The following SASH1 variants were observed in gnomAD, a reference collection of about 807,000 sequenced individuals.
The protein encoded by SASH1 is SAM and SH3 domain-containing protein 1.
SASH1 carries 44 observed loss-of-function variants against 125.2 expected under a neutral mutation model. That is an observed-to-expected ratio of 0.35 (90% confidence interval 0.28 to 0.45). The LOEUF (loss-of-function observed/expected upper bound fraction) is 0.45. SASH1 is among the 20% of genes least tolerant of loss of function. The pLI, the probability that SASH1 is intolerant of heterozygous loss-of-function variation, is 1.00. For missense variants in SASH1, 1,426 were observed against 1,614.5 expected (o/e 0.88, Z 2.00); for synonymous variants, 639 against 649.1 (o/e 0.98, Z 0.24).
At chr6:148,387,895 C>T (rs1349498478) in intron 1 of SASH1, among the ~76,000 whole-genome samples, 16 of 140,110 alleles carry the variant, frequency 1.1e-4, no homozygotes, top group Admixed American at 5.4e-4. Flanking sequence ...CCCACTAATG[C>T]GCCCTGCTAA....
intron 2 of SASH1, among the ~76,000 whole-genome samples, chr6:148,395,473 G>A (rs1783911935): frequency 1.3e-5 from 2 of 152,192 alleles, no homozygotes; most frequent in Non-Finnish European, 2.9e-5. Context: ...CTGGAATAAT[G>A]CATTTGATAA....
At chr6:148,502,283 T>C (rs1444170105) in intron 8 of SASH1, among the ~76,000 whole-genome samples, 1 of 152,108 alleles carries the variant, frequency 6.6e-6, no homozygotes, top group Non-Finnish European at 1.5e-5. Flanking sequence ...AGGGCAATGA[T>C]GTCACCAGCT....
chr6:148,391,450 T>TGTATA (rs1379541556), intron 2 of SASH1, among the ~76,000 whole-genome samples: 2 of 148,886 alleles, frequency 1.3e-5, no homozygotes, highest in African/African-American at 4.9e-5. Context: ...AAAAAATCAG[T>TGTATA]GATACAATGC....
At chr6:148,530,162 TTTG>T in intron 12 of SASH1, among the ~76,000 whole-genome samples, 1 of 152,178 alleles carries the variant, frequency 6.6e-6, no homozygotes, top group Non-Finnish European at 1.5e-5. Context: ...GGTAGGGATA[TTTG>T]TTTTCTCCGT....
intron 4 of SASH1, chr6:148,440,761 A>G (rs1257655188): frequency 4.2e-6 from 1 of 238,332 alleles, no homozygotes; most frequent in Admixed American, 5.0e-5. Flanking sequence ...AAGAAGCAAG[A>G]TACAAATATA....
chr6:148,283,241 C>G (rs559667704), intron 1 of SASH1: 2 of 152,434 alleles, frequency 1.3e-5, no homozygotes, highest in East Asian at 3.9e-4. Flanking sequence ...TGCAAGTCAG[C>G]TCCTTCCTCC....
intron 1 of SASH1, among the ~76,000 whole-genome samples, chr6:148,386,383 C>T (rs771721983): frequency 4.6e-5 from 7 of 152,136 alleles, no homozygotes; most frequent in South Asian, 2.1e-4. Flanking sequence ...TCCAAGACGA[C>T]GGTTGGTTGT....
intron 1 of SASH1, among the ~76,000 whole-genome samples, chr6:148,292,265 A>AT (rs921743533): frequency 3.3e-5 from 5 of 151,812 alleles, no homozygotes; most frequent in African/African-American, 1.2e-4. Context: ...TATCCAATTC[A>AT]TTTTTTTTAA....
the SASH1 span, among the ~76,000 whole-genome samples, chr6:148,231,074 C>T: frequency 6.6e-6 from 1 of 152,220 alleles, no homozygotes; most frequent in African/African-American, 2.4e-5. Context: ...TGAAGGTTTA[C>T]TTCTATGTTT....
intron 1 of SASH1, among the ~76,000 whole-genome samples, chr6:148,322,889 C>CTTTCTTTCT (rs879462931): frequency 9.0e-6 from 1 of 111,506 alleles, no homozygotes; most frequent in Non-Finnish European, 1.9e-5. Context: ...CTTTCTTTTT[C>CTTTCTTTCT]TTCTTTCTTT....
chr6:148,220,999 T>G, the SASH1 span, among the ~76,000 whole-genome samples: 1 of 152,156 alleles, frequency 6.6e-6, no homozygotes, highest in Non-Finnish European at 1.5e-5. Context: ...AATCCCTCTT[T>G]TTTCCCTCCA....
intron 4 of SASH1, among the ~76,000 whole-genome samples, chr6:148,446,103 T>TTTTTTTTTTTTTTTTTTC (rs1776763654): frequency 9.7e-5 from 2 of 20,688 alleles, no homozygotes; most frequent in African/African-American, 2.7e-4. Flanking sequence ...TTTTTTTTTT[T>TTTTTTTTTTTTTTTTTTC]TTTTTTTTTT....
intron 10 of SASH1, among the ~76,000 whole-genome samples, chr6:148,523,158 A>G (rs1044275791): frequency 2.0e-4 from 31 of 152,230 alleles, no homozygotes; most frequent in African/African-American, 7.0e-4. Flanking sequence ...TGTATCAGAA[A>G]TAACTTGGGC....
intron 1 of SASH1, among the ~76,000 whole-genome samples, chr6:148,363,702 T>C (rs1583026872): frequency 6.6e-6 from 1 of 152,058 alleles, no homozygotes. Flanking sequence ...GCCCGGCCGA[T>C]TGAGGCTCTT....
At chr6:148,479,352 T>C (rs938182239) in intron 7 of SASH1, 7 of 182,094 alleles carry the variant, frequency 3.8e-5, no homozygotes, top group African/African-American at 1.4e-4. Flanking sequence ...TCCAGCCGAC[T>C]GCACCACTTT....
rs374141600 is a variant in SASH1 at position 148,448,115 on chromosome 6, A to AGAGTGTGTGTGTGTGTGT, written c.386+7709_386+7710insAGTGTGTGTGTGTGTGTG. 9.1e-3 allele frequency among the ~76,000 whole-genome samples: 1,330 copies of AGAGTGTGTGTGTGTGTGT among 146,884 alleles called. 17 individuals carry two copies. Among genetic ancestry groups the AGAGTGTGTGTGTGTGTGT allele is most frequent in the East Asian group, 0.063 (311 of 4,924 alleles). On this transcript the variant is annotated intron_variant, in intron 4 of 19. Transcript: ENST00000367467. ...CTCCTGCTTCTATTGCAGTGGAGAG[A>AGAGTGTGTGTGTGTGTGT]GTGTGTGTGTGTGTGTGTGTGTGTA...
intron 1 of SASH1, among the ~76,000 whole-genome samples, chr6:148,350,192 C>T (rs527823637): frequency 1.3e-5 from 2 of 152,288 alleles, no homozygotes; most frequent in Admixed American, 6.5e-5. Flanking sequence ...CAGCGCCTCA[C>T]ACCTGTAATC....
At chr6:148,526,655 A>G (rs9390579) in intron 11 of SASH1, among the ~76,000 whole-genome samples, 92,122 of 151,962 alleles carry the variant, frequency 0.61, 27,999 homozygotes, top group Non-Finnish European at 0.62. Context: ...AAAAATGCAG[A>G]CTAGAATGAG....
chr6:148,525,291 A>C lies in SASH1; in HGVS notation c.1210A>C (p.Arg404=), dbSNP rs1212099446. 6.2e-7 allele frequency: 1 copy of C among 1,613,904 alleles called. No individual in the cohort carries two copies. ...KKGLGSLSHG[R]TCSFGGFDLT... is the part of the protein sequence containing the mutation. Reference sequence around the variant, plus strand: ...TTCTGCCCTACCCTCTTTTCCACAGAGAACCTGCAGTTTTGGAGGATTTGA... The same window carrying C: ...TTCTGCCCTACCCTCTTTTCCACAGCGAACCTGCAGTTTTGGAGGATTTGA... Residue 404 remains arginine (R), a splice_region_variant and synonymous_variant, in exon 11 of 20, where the codon AGA becomes CGA. Coordinates refer to ENST00000367467, the MANE Select transcript of SASH1 (RefSeq NM_015278.5).
Sources: gnomAD v4.1 joint callset for allele counts (sites outside exome capture counted in the v4.1 genomes callset) on GRCh38, gnomAD v4.1.1 for gene constraint, MANE v1.5 for transcripts, NCBI Gene and HGNC (gene_info 2026-07-23, HGNC 2026-07-21) for gene names.